PXT1: variants seen among roughly 807,000 people sequenced by gnomAD.
The protein encoded by PXT1 is peroxisomal testis enriched protein 1.
A neutral mutation model predicts 11.0 loss-of-function variants in PXT1; 11 were observed. The observed-to-expected ratio is 1.00, with a 90% CI of 0.63 to 1.66. The LOEUF is 1.66. Among genes scored for constraint, PXT1 ranks in the 40% most tolerant of loss-of-function variants. The probability of loss-of-function intolerance (pLI) is 0.00; values close to 1 mark genes in which losing one functional copy is unlikely to be tolerated. For synonymous variants in PXT1, 43 were observed against 51.4 expected, an observed-to-expected ratio of 0.84 and a Z score of 0.70; for missense variants, 141 against 155.5, an observed-to-expected ratio of 0.91 and a Z score of 0.49.
At chr6:36,418,055 G>A (rs1333673980) in intron 3 of PXT1, among the ~76,000 whole-genome samples, 5 of 152,160 alleles carry the variant, frequency 3.3e-5, no homozygotes, top group African/African-American at 9.6e-5. Flanking sequence ...AATTAGCCGG[G>A]CGTGGTGGCG....
intron 3 of PXT1, among the ~76,000 whole-genome samples, chr6:36,410,935 C>A (rs1227517336): frequency 6.6e-6 from 1 of 152,174 alleles, no homozygotes; most frequent in Non-Finnish European, 1.5e-5. Context: ...ACTATGTAAC[C>A]TGCCACAAGT....
intron 3 of PXT1, among the ~76,000 whole-genome samples, chr6:36,425,462 G>A (rs1423216754): frequency 6.6e-6 from 1 of 152,028 alleles, no homozygotes; most frequent in Non-Finnish European, 1.5e-5. Flanking sequence ...GGGATGAATA[G>A]ATTTTCTTAT....
intron 3 of PXT1, among the ~76,000 whole-genome samples, chr6:36,416,249 T>C (rs1409718104): frequency 6.6e-6 from 1 of 151,990 alleles, no homozygotes; most frequent in Non-Finnish European, 1.5e-5. Context: ...CTCAGAAGGC[T>C]GAAGTGGGAG....
intron 2 of PXT1, among the ~76,000 whole-genome samples, 191 bp from the exon 3 acceptor site, chr6:36,426,282 C>T (rs1005404909): frequency 2.0e-5 from 3 of 150,566 alleles, no homozygotes; most frequent in Non-Finnish European, 4.4e-5. Flanking sequence ...TCTTTCTAGG[C>T]TGCCGCATCC....
chr6:36,438,954 T>G (rs1367603507), intron 1 of PXT1, 68 bp from the exon 2 acceptor site: 2 of 152,156 alleles, frequency 1.3e-5, no homozygotes, highest in Non-Finnish European at 2.9e-5. Context: ...AGTTTACCTA[T>G]CTACTAAATA....
chr6:36,415,376 G>A (rs962040359), intron 3 of PXT1, among the ~76,000 whole-genome samples: 1 of 152,042 alleles, frequency 6.6e-6, no homozygotes, highest in African/African-American at 2.4e-5. Flanking sequence ...CCTGGGAGGC[G>A]GAGGCTGCAG....
At chr6:36,428,971 A>G (rs893544932) in intron 2 of PXT1, among the ~76,000 whole-genome samples, 10 of 151,870 alleles carry the variant, frequency 6.6e-5, no homozygotes, top group African/African-American at 2.2e-4. Context: ...CTTATTTTAA[A>G]ATATATGTCA....
chr6:36,405,098 G>A (rs1774269815), intron 3 of PXT1, among the ~76,000 whole-genome samples: 1 of 152,192 alleles, frequency 6.6e-6, no homozygotes, highest in Non-Finnish European at 1.5e-5. Context: ...ACAAGATATG[G>A]AGGTGGAAAA....
chr6:36,419,019 G>C (rs1448269703), intron 3 of PXT1, among the ~76,000 whole-genome samples: 1 of 152,180 alleles, frequency 6.6e-6, no homozygotes, highest in Non-Finnish European at 1.5e-5. Context: ...CCTATTGCCT[G>C]TAATTTCAGT....
At chr6:36,408,942 T>C (rs917038199) in intron 3 of PXT1, among the ~76,000 whole-genome samples, 30 of 152,082 alleles carry the variant, frequency 2.0e-4, no homozygotes, top group Non-Finnish European at 1.6e-4. Flanking sequence ...AAAAATACTA[T>C]TGTACTTTGA....
intron 2 of PXT1, among the ~76,000 whole-genome samples, chr6:36,427,406 A>C (rs770191577): frequency 3.9e-5 from 6 of 152,162 alleles, no homozygotes; most frequent in Non-Finnish European, 7.3e-5. Context: ...CTTCTATTCT[A>C]ACTTCTAAAT....
chr6:36,396,220 T>C (rs1436346538), intron 4 of PXT1, among the ~76,000 whole-genome samples: 2 of 152,224 alleles, frequency 1.3e-5, no homozygotes, highest in Non-Finnish European at 2.9e-5. Flanking sequence ...ATGATGGCAA[T>C]GGCTGCTGTC....
intron 3 of PXT1, among the ~76,000 whole-genome samples, chr6:36,424,326 G>A (rs1221791154): frequency 6.6e-6 from 1 of 152,198 alleles, no homozygotes; most frequent in Non-Finnish European, 1.5e-5. Flanking sequence ...GGGAATAATT[G>A]TTGTTGACAA....
chr6:36,413,424 ATAAG>A (rs143687353), intron 3 of PXT1, among the ~76,000 whole-genome samples: 67,529 of 150,498 alleles, frequency 0.45, 15,836 homozygotes, highest in Middle Eastern at 0.57. Context: ...CTCAAAAAAA[ATAAG>A]AAAGAAAGAA....
intron 3 of PXT1, among the ~76,000 whole-genome samples, chr6:36,423,973 A>G (rs1774564605): frequency 6.6e-6 from 1 of 152,250 alleles, no homozygotes; most frequent in Admixed American, 6.5e-5. Context: ...CAAGGGCAGC[A>G]GCGTTAGTAA....
intron 3 of PXT1, among the ~76,000 whole-genome samples, chr6:36,413,256 A>G (rs1355720631): frequency 6.6e-6 from 1 of 152,044 alleles, no homozygotes; most frequent in Non-Finnish European, 1.5e-5. Flanking sequence ...ATCTCTACTA[A>G]AGATACAAAA....
At chr6:36,424,578 A>G (rs1774575398) in intron 3 of PXT1, among the ~76,000 whole-genome samples, 1 of 152,156 alleles carries the variant, frequency 6.6e-6, no homozygotes, top group South Asian at 2.1e-4. Flanking sequence ...AGGCGGAGCT[A>G]CAGTGAGCCG....
intron 3 of PXT1, among the ~76,000 whole-genome samples, chr6:36,407,793 A>C (rs575357035): frequency 1.7e-4 from 26 of 152,318 alleles, no homozygotes; most frequent in African/African-American, 6.3e-4. Context: ...AGGAGAATCT[A>C]TCCTGTTGCC....
chr6:36,432,152 C>T (rs1774702145), intron 2 of PXT1, among the ~76,000 whole-genome samples: 1 of 152,058 alleles, frequency 6.6e-6, no homozygotes, highest in Admixed American at 6.5e-5. Context: ...CTAACCTAGT[C>T]TAGATGGTCA....
Sources: allele counts gnomAD v4.1 joint callset (sites outside exome capture counted in the v4.1 genomes callset), GRCh38; gene constraint gnomAD v4.1.1; transcripts MANE v1.5; gene names NCBI Gene and HGNC (gene_info 2026-07-23, HGNC 2026-07-21).